Variants in PYROXD1 observed in about 807,000 individuals in gnomAD.
PYROXD1 encodes the protein tRNA ligase complex-associated NAD(P)H dehydrogenase PYROXD1.
Under a neutral mutation model 62.0 loss-of-function variants are expected in PYROXD1, and 42 were observed. The observed-to-expected ratio is 0.68, with a 90% CI of 0.53 to 0.88. The LOEUF is 0.88. PYROXD1 is among the 40% of genes least tolerant of loss of function. PYROXD1 has a pLI of 0.00. For synonymous variants in PYROXD1, 170 were observed against 206.4 expected (o/e 0.82, Z 1.51); for missense variants, 493 against 604.8 (o/e 0.82, Z 1.94).
chr12:21,467,418 T>A (rs1029172357), intron 10 of PYROXD1, 63 bp from the exon 11 acceptor site: 14 of 1,483,572 alleles, frequency 9.4e-6, no homozygotes, highest in Middle Eastern at 2.5e-4. Context: ...ATTTACAAGG[T>A]TAACATTTTT....
At chr12:21,447,677 G>T in intron 3 of PYROXD1, 2 of 175,816 alleles carry the variant, frequency 1.1e-5, no homozygotes, top group South Asian at 3.1e-4. Context: ...TTAGTGTAGC[G>T]AACTTTGTAT....
rs1355942036 is a variant in PYROXD1, at chr12:21,470,526, G to A, written c.*1772G>A. On this transcript the variant is annotated 3_prime_UTR_variant, in exon 12 of 12. Transcript: ENST00000240651. Reference sequence around the variant, plus strand: ...AATATGAGCTCTATTTTGAATAAAAGGGGCTACGTTGTGAGAGAAGTTCTA... The same window carrying A: ...AATATGAGCTCTATTTTGAATAAAAAGGGCTACGTTGTGAGAGAAGTTCTA... The A allele has an allele frequency of 2.0e-6, 2 of 989,292 alleles. No individual in the cohort carries two copies. Among genetic ancestry groups the A allele is most frequent in the South Asian group, 2.2e-5 (1 of 45,652 alleles). 61.3% of individuals were successfully genotyped at this position (989,292 alleles called of 1,614,324 possible).
chr12:21,452,291 A>C, intron 5 of PYROXD1, 137 bp downstream of exon 5: 1 of 606,342 alleles, frequency 1.6e-6, no homozygotes, highest in East Asian at 3.7e-5. Flanking sequence ...ATCAAAGATA[A>C]ATATAATTTT....
intron 2 of PYROXD1, 135 bp from the exon 3 acceptor site, chr12:21,445,212 A>G (rs765145681): frequency 2.9e-5 from 27 of 927,970 alleles, no homozygotes; most frequent in East Asian, 6.0e-5. Context: ...TTTCCACTCT[A>G]TATAGTGCAG....
chr12:21,468,052 A>C (rs777333963), intron 11 of PYROXD1, among the ~76,000 whole-genome samples: 1 of 151,834 alleles, frequency 6.6e-6, no homozygotes, highest in Non-Finnish European at 1.5e-5. Context: ...AGAAGGAGAA[A>C]CATATTCAAA....
At chr12:21,462,625 T>C in intron 9 of PYROXD1, 115 bp from the exon 10 acceptor site, 1 of 1,198,482 alleles carries the variant, frequency 8.3e-7, no homozygotes, top group Non-Finnish European at 1.2e-6. Context: ...TTTTTCATTT[T>C]CTCATTAAAG....
chr12:21,448,142 A>G (rs1430667287), intron 3 of PYROXD1: 10 of 676,776 alleles, frequency 1.5e-5, no homozygotes, highest in Middle Eastern at 2.8e-4. Flanking sequence ...CAGTAAATTC[A>G]TGGCCATCAG....
At chr12:21,443,621 G>C (rs1401541735) in intron 2 of PYROXD1, among the ~76,000 whole-genome samples, 1 of 152,054 alleles carries the variant, frequency 6.6e-6, no homozygotes, top group East Asian at 1.9e-4. Context: ...AATTATAAAT[G>C]TTATAAAGCC....
chr12:21,452,247 G>T, intron 5 of PYROXD1, 93 bp downstream of exon 5: 7 of 837,048 alleles, frequency 8.4e-6, no homozygotes, highest in Non-Finnish European at 1.2e-5. Flanking sequence ...CTTGTGATTT[G>T]TTGGCAGACT....
intron 2 of PYROXD1, among the ~76,000 whole-genome samples, chr12:21,443,351 GGTGT>G (rs879605495): frequency 6.6e-6 from 1 of 151,570 alleles, no homozygotes; most frequent in Non-Finnish European, 1.5e-5. Flanking sequence ...TATGGGTAGG[GGTGT>G]GTGTGTGTGT....
intron 8 of PYROXD1, among the ~76,000 whole-genome samples, 195 bp downstream of exon 8, chr12:21,461,349 G>A (rs190418695): frequency 5.9e-5 from 9 of 152,108 alleles, no homozygotes; most frequent in Admixed American, 2.6e-4. Flanking sequence ...AAATTAAATC[G>A]TATAGGGCAT....
chr12:21,453,767 C>G (rs1942545717), intron 5 of PYROXD1, among the ~76,000 whole-genome samples: 1 of 152,010 alleles, frequency 6.6e-6, no homozygotes, highest in Non-Finnish European at 1.5e-5. Flanking sequence ...ATAACTTTGT[C>G]TGCTAGTCAG....
At chr12:21,452,362 G>T (rs1942516961) in intron 5 of PYROXD1, among the ~76,000 whole-genome samples, 1 of 151,950 alleles carries the variant, frequency 6.6e-6, no homozygotes. Flanking sequence ...ATCCGTAATT[G>T]TAGAAATTTT....
At chr12:21,440,471 T>A in intron 2 of PYROXD1, 23 bp downstream of exon 2, 1 of 1,309,792 alleles carries the variant, frequency 7.6e-7, no homozygotes, top group Non-Finnish European at 1.1e-6. Flanking sequence ...GTATAACTTG[T>A]TAATATTAAT....
chr12:21,467,272 A>G (rs1942814078), intron 10 of PYROXD1: 1 of 453,460 alleles, frequency 2.2e-6, no homozygotes, highest in South Asian at 4.8e-5. Flanking sequence ...GATTGGTATC[A>G]TCTTTTAATT....
rs746673715 is a variant in PYROXD1 at position 21,437,829 on chromosome 12, A to G, written c.84+15A>G. 5.0e-6 allele frequency: 8 copies of G among 1,608,062 alleles called. No homozygotes were observed. Among genetic ancestry groups the G allele is most frequent in the East Asian group, 4.5e-5 (2 of 44,670 alleles). Reference sequence around the variant, plus strand: ...GTGCGGAGCAGGTAGGGCGGTGCTCAGGCGGTTCCGCCTCTTTCCCCGACC... The same window carrying G: ...GTGCGGAGCAGGTAGGGCGGTGCTCGGGCGGTTCCGCCTCTTTCCCCGACC... On this transcript the variant is annotated intron_variant, in intron 1 of 11. Transcript: ENST00000240651.
chr12:21,462,222 G>A (rs533847302), intron 9 of PYROXD1, 102 bp downstream of exon 9: 3 of 674,020 alleles, frequency 4.5e-6, no homozygotes, highest in African/African-American at 3.6e-5. Flanking sequence ...GTGTACAACT[G>A]TAACTTAACA....
intron 10 of PYROXD1, among the ~76,000 whole-genome samples, chr12:21,465,519 T>C (rs905870847): frequency 7.9e-5 from 12 of 151,672 alleles, no homozygotes; most frequent in Admixed American, 6.6e-4. Flanking sequence ...ATGGGGTTGT[T>C]TTTTTTTTGT....
rs1565554048 is a variant in PYROXD1 at position 21,462,131 on chromosome 12, A to T, written c.993+11A>T. The stretch of plus-strand genomic sequence containing the variant: ...CTCCATGGTAACAGTGTAAGGTGAA[A>T]TTTTTTTGTCCAGCTGTGAATATAT... On this transcript the variant is annotated intron_variant, in intron 9 of 11. Transcript: ENST00000240651. 2.0e-6 allele frequency: 3 copies of T among 1,526,702 alleles called. No homozygotes were observed. Among genetic ancestry groups the T allele is most frequent in the South Asian group, 2.3e-5 (2 of 87,886 alleles). The allele number at this position is 1,526,702 out of a possible 1,614,324, so 94.6% of individuals were successfully genotyped here.
Sources: gnomAD v4.1 joint callset for allele counts (sites outside exome capture counted in the v4.1 genomes callset) on GRCh38, gnomAD v4.1.1 for gene constraint, MANE v1.5 for transcripts, NCBI Gene and HGNC (gene_info 2026-07-23, HGNC 2026-07-21) for gene names.